The following ITGA4 variants were observed in gnomAD, a reference collection of about 807,000 sequenced individuals.
The protein encoded by ITGA4 is integrin subunit alpha 4, also known as integrin alpha-4.
In ITGA4, 63 loss-of-function variants were observed where a neutral mutation model predicts 133.6. The ratio of observed to expected loss-of-function variants is 0.47; its 90% CI spans 0.38 to 0.58. The LOEUF (loss-of-function observed/expected upper bound fraction) is 0.58. Ranked by LOEUF, ITGA4 falls within the 20% of genes least tolerant of loss-of-function variation. The pLI is 0.00. For synonymous variants in ITGA4, 483 were observed against 438.0 expected (o/e 1.10, Z -1.28); for missense variants, 1,076 against 1,252.7 (o/e 0.86, Z 2.13).
intron 20 of ITGA4, chr2:181,524,476 A>T (rs1470563271): frequency 2.5e-6 from 1 of 402,076 alleles, no homozygotes; most frequent in Non-Finnish European, 4.3e-6. Context: ...AGTAGACATG[A>T]TGTGTCACGA....
intron 17 of ITGA4, among the ~76,000 whole-genome samples, chr2:181,521,516 G>C (rs1168223784): frequency 6.6e-6 from 1 of 152,198 alleles, no homozygotes; most frequent in Admixed American, 6.5e-5. Flanking sequence ...ACTGCTGGCA[G>C]TGCCAGGACT....
At chr2:181,483,097 G>A (rs1234100643) in intron 9 of ITGA4, among the ~76,000 whole-genome samples, 1 of 152,108 alleles carries the variant, frequency 6.6e-6, no homozygotes, top group Non-Finnish European at 1.5e-5. Flanking sequence ...AAAACAATTA[G>A]AAACAAGATG....
intron 2 of ITGA4, among the ~76,000 whole-genome samples, chr2:181,461,395 CAGAGGAAAG>C (rs1685274128): frequency 6.6e-6 from 1 of 151,506 alleles, no homozygotes; most frequent in Non-Finnish European, 1.5e-5. Flanking sequence ...TCTTTTGTAC[CAGAGGAAAG>C]TGGTCTCTCT....
chr2:181,458,249 A>C lies in ITGA4; in HGVS notation c.251A>C (p.Asn84Thr), dbSNP rs200955253. The C allele has an allele frequency of 1.2e-6, 2 of 1,613,720 alleles. No homozygotes were observed. Among genetic ancestry groups the C allele is most frequent in the Non-Finnish European group, 1.7e-6 (2 of 1,179,820 alleles). The part of the protein sequence containing the change: ...ANWLANASVI[N>T]PGAIYRCRIG... The stretch of plus-strand genomic sequence containing the variant: ...TGGCTCGCCAACGCTTCAGTGATCA[A>C]TCCCGGGGCGATTTACAGATGCAGG... Residue 84 changes from asparagine to threonine, a missense_variant, in exon 2 of 28, where the codon AAT becomes ACT. Transcript: ENST00000397033.
At chr2:181,472,741 A>G (rs902593287) in intron 2 of ITGA4, among the ~76,000 whole-genome samples, 1 of 152,186 alleles carries the variant, frequency 6.6e-6, no homozygotes, top group African/African-American at 2.4e-5. Flanking sequence ...CCACAATAAC[A>G]ACTCCCTATT....
At chr2:181,530,880 G>A (rs763573928) in intron 24 of ITGA4, among the ~76,000 whole-genome samples, 1 of 152,116 alleles carries the variant, frequency 6.6e-6, no homozygotes, top group Non-Finnish European at 1.5e-5. Context: ...TGTAATCCCA[G>A]CACTTTGGGA....
Position 181,458,238 on chromosome 2 carries a change from T to G in ITGA4, c.240T>G (p.Ala80=). Residue 80 remains alanine, a synonymous_variant, in exon 2 of 28, where the codon GCT becomes GCG. Coordinates refer to ENST00000397033, the MANE Select transcript of ITGA4 (RefSeq NM_000885.6). ...CCACTGCCAACTGGCTCGCCAACGC[T>G]TCAGTGATCAATCCCGGGGCGATTT... ...GAPTANWLAN[A]SVINPGAIYR... The G allele has an allele frequency of 6.2e-7, 1 of 1,613,716 alleles. No individual in the cohort carries two copies. The highest frequency in any genetic ancestry group is 8.5e-7 in the Non-Finnish European group (1 of 1,179,842).
In ITGA4 at chr2:181,537,371, A is replaced by G. The variant is rs1574421937; in HGVS notation, c.*1844A>G. The G allele has an allele frequency of 2.2e-6, 1 of 453,886 alleles. No homozygotes were observed. The highest frequency in any genetic ancestry group is 7.0e-5 in the East Asian group (1 of 14,308). The allele number at this position is 453,886 out of a possible 1,614,324, so 28.1% of individuals were successfully genotyped here. ...GCCTCTCAGATACAAGGGGAACACA[A>G]TTACATATTGGGCTAGATTTTGCCC... On this transcript the variant is annotated 3_prime_UTR_variant, in exon 28 of 28. Coordinates refer to ENST00000397033, the MANE Select transcript of ITGA4 (RefSeq NM_000885.6).
chr2:181,467,701 G>A (rs575685801), intron 2 of ITGA4, among the ~76,000 whole-genome samples: 183 of 152,310 alleles, frequency 1.2e-3, no homozygotes, highest in South Asian at 2.1e-3. Context: ...AAAAGCTTCA[G>A]AAAGTGGAAT....
At chr2:181,515,166 G>A (rs1686581474) in intron 17 of ITGA4, among the ~76,000 whole-genome samples, 1 of 152,082 alleles carries the variant, frequency 6.6e-6, no homozygotes, top group South Asian at 2.1e-4. Flanking sequence ...TGTTATGGTG[G>A]TGAAGAGCTT....
intron 2 of ITGA4, among the ~76,000 whole-genome samples, chr2:181,471,505 G>T (rs1559038753): frequency 6.6e-6 from 1 of 152,148 alleles, no homozygotes; most frequent in Non-Finnish European, 1.5e-5. Flanking sequence ...GTGTGTCTAA[G>T]AACCCTTGAG....
At chr2:181,527,426 A>T (rs758642778) in intron 22 of ITGA4, 39 bp downstream of exon 22, 1 of 1,345,004 alleles carries the variant, frequency 7.4e-7, no homozygotes, top group Admixed American at 1.7e-5. Flanking sequence ...GTAACAACCT[A>T]AAAGGATGTC....
intron 11 of ITGA4, among the ~76,000 whole-genome samples, chr2:181,493,942 A>G (rs919879905): frequency 9.2e-5 from 14 of 152,082 alleles, no homozygotes; most frequent in African/African-American, 2.9e-4. Flanking sequence ...AAAAAAAATG[A>G]CATTCATATG....
chr2:181,510,567 G>A (rs151151472), intron 16 of ITGA4, among the ~76,000 whole-genome samples: 2 of 152,054 alleles, frequency 1.3e-5, no homozygotes, highest in Admixed American at 1.3e-4. Context: ...AAGATGAAAG[G>A]GACATTTAAA....
At chr2:181,530,693 A>G in intron 24 of ITGA4, 44 bp downstream of exon 24, 7 of 1,578,374 alleles carry the variant, frequency 4.4e-6, no homozygotes, top group Non-Finnish European at 6.1e-6. Context: ...TTTCCAACAG[A>G]GAAGTGAGAC....
At chr2:181,460,608 T>G (rs2105709624) in intron 2 of ITGA4, among the ~76,000 whole-genome samples, 2 of 151,598 alleles carry the variant, frequency 1.3e-5, no homozygotes, top group Middle Eastern at 3.4e-3. Context: ...TGTGTGAATC[T>G]TCTGTATAAA....
intron 4 of ITGA4, among the ~76,000 whole-genome samples, chr2:181,477,272 A>G (rs1027060916): frequency 1.3e-5 from 2 of 152,126 alleles, no homozygotes; most frequent in African/African-American, 4.8e-5. Flanking sequence ...CTAGTGGAAA[A>G]CATAAGAGAA....
intron 15 of ITGA4, among the ~76,000 whole-genome samples, chr2:181,507,890 A>G (rs1483803887): frequency 6.6e-6 from 1 of 152,152 alleles, no homozygotes; most frequent in Non-Finnish European, 1.5e-5. Context: ...CTTTGTTTTC[A>G]TAGACTTGAG....
rs571570110 is a variant in ITGA4 at position 181,467,641 on chromosome 2, C to T, written c.320-7319C>T. Among the ~76,000 whole-genome samples, 11 of 152,040 alleles carry T rather than the reference C, an allele frequency of 7.2e-5. No homozygotes were observed. In the South Asian group the frequency reaches 1.9e-3, roughly 26 times the overall value. On this transcript the variant is annotated intron_variant, in intron 2 of 27. Transcript: ENST00000397033. ...ACCTTTTTCTTGAACAAGTGAAAGTCGATTGTACAGTCTGTGGGCATATTT... is the reference window on the plus strand; with the variant it reads ...ACCTTTTTCTTGAACAAGTGAAAGTTGATTGTACAGTCTGTGGGCATATTT...
Sources: gnomAD v4.1 joint callset for allele counts (sites outside exome capture counted in the v4.1 genomes callset) on GRCh38, gnomAD v4.1.1 for gene constraint, MANE v1.5 for transcripts, NCBI Gene and HGNC (gene_info 2026-07-23, HGNC 2026-07-21) for gene names.